The following GRK4 variants were observed in gnomAD, a reference collection of about 807,000 sequenced individuals.
GRK4 encodes the protein G protein-coupled receptor kinase 2-like.
Under a neutral mutation model 77.9 loss-of-function variants are expected in GRK4, and 73 were observed. The observed-to-expected ratio is 0.94, with a 90% CI of 0.78 to 1.14. GRK4 has a LOEUF of 1.14. GRK4 is among the 50% of genes most tolerant of loss of function. The probability of loss-of-function intolerance (pLI) is 0.00; values close to 1 mark genes in which losing one functional copy is unlikely to be tolerated. For synonymous variants in GRK4, 257 were observed against 254.4 expected, an observed-to-expected ratio of 1.01 and a Z score of -0.10; for missense variants, 729 against 700.2, an observed-to-expected ratio of 1.04 and a Z score of -0.46.
At chr4:2,965,065 T>C (rs1414199240) in intron 1 of GRK4, among the ~76,000 whole-genome samples, 2 of 152,228 alleles carry the variant, frequency 1.3e-5, no homozygotes, top group Non-Finnish European at 2.9e-5. Context: ...AGTTATGCTA[T>C]AGATTATGTG....
intron 1 of GRK4, chr4:2,965,491 G>C (rs778987986): frequency 2.8e-6 from 2 of 702,710 alleles, no homozygotes; most frequent in South Asian, 3.0e-5. Context: ...CTCGGACTGT[G>C]CTCCAGGACA....
rs369398468 is a variant in GRK4 at position 3,022,412 on chromosome 4, A to C, written c.933-2A>C. 1 of 1,613,740 alleles carries C rather than the reference A, an allele frequency of 6.2e-7. No homozygotes were observed. Among genetic ancestry groups the C allele is most frequent in the Admixed American group, 1.7e-5 (1 of 59,950 alleles). On this transcript the variant is annotated splice_acceptor_variant, in intron 9 of 15. Transcript: ENST00000398052. LOFTEE classifies it high-confidence loss of function. ...TGGGCCTTTTGTTGTTGTTTCTTGT[A>C]GAGACTTGAAGCCTGAGAATATTCT... is the stretch of plus-strand genomic sequence containing the variant.
At chr4:2,970,441 C>T (rs1047966192) in intron 1 of GRK4, among the ~76,000 whole-genome samples, 2 of 151,998 alleles carry the variant, frequency 1.3e-5, no homozygotes, top group African/African-American at 2.4e-5. Context: ...GGGCGGATCA[C>T]GAGGTCCAGG....
rs143720228 is a variant in GRK4 at position 2,979,165 on chromosome 4, C to T, written c.53-5348C>T. ...GTGTGAACCCAGGAGGTGGAGCTTG[C>T]AGTGAGCCGAGATCGCGCCATTGCA... On this transcript the variant is annotated intron_variant, in intron 1 of 15. Coordinates refer to ENST00000398052, the MANE Select transcript of GRK4 (RefSeq NM_182982.3). Among the ~76,000 whole-genome samples, 1,373 of 151,298 alleles carry T rather than the reference C, an allele frequency of 9.1e-3. 22 individuals carry two copies. The highest frequency in any genetic ancestry group is 0.031 in the African/African-American group (1,289 of 41,166).
At chr4:3,031,144 G>C (rs1186144777) in intron 12 of GRK4, among the ~76,000 whole-genome samples, 2 of 152,184 alleles carry the variant, frequency 1.3e-5, no homozygotes, top group African/African-American at 4.8e-5. Context: ...CTTGCAGTGG[G>C]GAGGACAGCA....
At position 2,979,709 on chromosome 4, in the gene GRK4, G is replaced by C. The variant is rs542604701; in HGVS notation, c.53-4804G>C. Among the ~76,000 whole-genome samples the C allele has an allele frequency of 5.3e-5, 8 of 152,182 alleles. No homozygotes were observed. The East Asian group carries it at 1.4e-3, about 26-fold the overall frequency. Reference sequence around the variant, plus strand: ...GCCTGGGCAACAAGAGTGAAACTCCGTCCCCCTACCCCCCCAAAAAAAATC... The same window carrying C: ...GCCTGGGCAACAAGAGTGAAACTCCCTCCCCCTACCCCCCCAAAAAAAATC... On this transcript the variant is annotated intron_variant, in intron 1 of 15. Coordinates refer to ENST00000398052, the MANE Select transcript of GRK4 (RefSeq NM_182982.3).
intron 2 of GRK4, among the ~76,000 whole-genome samples, chr4:2,987,297 C>T (rs183074389): frequency 8.5e-5 from 13 of 152,198 alleles, no homozygotes; most frequent in Admixed American, 5.9e-4. Context: ...GAATAATATT[C>T]CATTATATGG....
rs188221433 is a variant in GRK4 at position 3,030,221 on chromosome 4, G to A, written c.1269+812G>A. On this transcript the variant is annotated intron_variant, in intron 12 of 15. Coordinates refer to ENST00000398052, the MANE Select transcript of GRK4 (RefSeq NM_182982.3). ...TGTGCTAAGGGCCTCTGAGGCTGAC[G>A]GTGGCACCCGCGAGTCACAGCAAGG... is the stretch of plus-strand genomic sequence containing the variant. Among the ~76,000 whole-genome samples the A allele has an allele frequency of 3.9e-5, 6 of 152,206 alleles. No individual in the cohort carries two copies. The East Asian group carries it at 1.2e-3, about 30-fold the overall frequency.
chr4:2,991,433 A>C (rs1233820299), intron 3 of GRK4, among the ~76,000 whole-genome samples: 1 of 152,244 alleles, frequency 6.6e-6, no homozygotes, highest in African/African-American at 2.4e-5. Flanking sequence ...GGCATATCGA[A>C]GGACCATTGC....
At chr4:2,970,869 A>T (rs1270275411) in intron 1 of GRK4, 1 of 151,740 alleles carries the variant, frequency 6.6e-6, no homozygotes, top group Admixed American at 6.6e-5. Flanking sequence ...ATGGAGTTTC[A>T]CTGTGTTAGC....
chr4:2,988,189 C>A (rs1235643028), intron 2 of GRK4, among the ~76,000 whole-genome samples: 2 of 151,586 alleles, frequency 1.3e-5, no homozygotes, highest in East Asian at 3.9e-4. Context: ...TTCCCAGTAG[C>A]AATGTGTTCA....
intron 13 of GRK4, among the ~76,000 whole-genome samples, chr4:3,036,262 C>T (rs1020405938): frequency 3.9e-5 from 6 of 152,350 alleles, no homozygotes; most frequent in East Asian, 1.9e-4. Flanking sequence ...GGCCTGGCCC[C>T]GTACTGAGGA....
At chr4:2,968,989 A>C (rs1271568385) in intron 1 of GRK4, among the ~76,000 whole-genome samples, 1 of 152,166 alleles carries the variant, frequency 6.6e-6, no homozygotes, top group Non-Finnish European at 1.5e-5. Flanking sequence ...AGTCCCACCA[A>C]GACATACACC....
At chr4:3,018,126 G>T (rs1578282250) in intron 8 of GRK4, among the ~76,000 whole-genome samples, 2 of 148,246 alleles carry the variant, frequency 1.3e-5, no homozygotes, top group East Asian at 3.9e-4. Context: ...GCCCATGCTG[G>T]TCTGGAACTC....
At chr4:3,028,040 CG>C (rs1738078869) in intron 11 of GRK4, 39 bp downstream of exon 11, 1 of 1,581,712 alleles carries the variant, frequency 6.3e-7, no homozygotes, top group African/African-American at 1.3e-5. Flanking sequence ...CCTTTCTATC[CG>C]GGTGCCTGAG....
At chr4:3,025,687 G>A (rs911588800) in intron 10 of GRK4, among the ~76,000 whole-genome samples, 5 of 151,910 alleles carry the variant, frequency 3.3e-5, no homozygotes, top group African/African-American at 4.8e-5. Context: ...CACCGCGCCC[G>A]GCCAGCAATC....
chr4:2,982,767 C>T (rs1167856886), intron 1 of GRK4, among the ~76,000 whole-genome samples: 1 of 152,206 alleles, frequency 6.6e-6, no homozygotes, highest in Non-Finnish European at 1.5e-5. Context: ...GTGCCTACTG[C>T]TTCTCTGGAA....
intron 8 of GRK4, among the ~76,000 whole-genome samples, chr4:3,014,810 A>G (rs1733987437): frequency 6.6e-6 from 1 of 151,940 alleles, no homozygotes; most frequent in Non-Finnish European, 1.5e-5. Flanking sequence ...AAAAAGAGAG[A>G]GAGATGAGAT....
intron 6 of GRK4, among the ~76,000 whole-genome samples, chr4:3,009,102 G>A (rs1732141386): frequency 6.6e-6 from 1 of 152,076 alleles, no homozygotes; most frequent in African/African-American, 2.4e-5. Context: ...AGACTGTTCT[G>A]CCTTTTGCTT....
Sources: allele counts gnomAD v4.1 joint callset (sites outside exome capture counted in the v4.1 genomes callset), GRCh38; gene constraint gnomAD v4.1.1; transcripts MANE v1.5; gene names NCBI Gene and HGNC (gene_info 2026-07-23, HGNC 2026-07-21).